Variants in MGAT4D observed in about 807,000 individuals in gnomAD.
MGAT4D encodes the protein alpha-1,3-mannosyl-glycoprotein 4-beta-N-acetylglucosaminyltransferase-like protein MGAT4D.
Under a neutral mutation model 15.9 loss-of-function variants are expected in MGAT4D, and 34 were observed. That is an observed-to-expected ratio of 2.14 (90% confidence interval 1.62 to 2.84). MGAT4D has a LOEUF of 2.84. Among genes scored for constraint, MGAT4D ranks in the 30% most tolerant of loss-of-function variants. The pLI, the probability that MGAT4D is intolerant of heterozygous loss-of-function variation, is 0.00. For synonymous variants in MGAT4D, 112 were observed against 48.2 expected (o/e 2.33, Z -5.49); for missense variants, 327 against 140.2 (o/e 2.33, Z -6.73).
At chr4:140,473,411 A>G (rs1037872556) in intron 4 of MGAT4D, among the ~76,000 whole-genome samples, 1 of 152,162 alleles carries the variant, frequency 6.6e-6, no homozygotes, top group African/African-American at 2.4e-5. Flanking sequence ...TGCACTGAAA[A>G]TCCTGAAATA....
intron 1 of MGAT4D, among the ~76,000 whole-genome samples, chr4:140,487,427 G>C (rs1264357245): frequency 1.3e-5 from 2 of 152,154 alleles, no homozygotes; most frequent in African/African-American, 4.8e-5. Context: ...AAGGCATTGT[G>C]TTCCAGTAGA....
chr4:140,492,386 T>A (rs1229622580), intron 1 of MGAT4D, among the ~76,000 whole-genome samples: 1 of 152,102 alleles, frequency 6.6e-6, no homozygotes, highest in Admixed American at 6.5e-5. Flanking sequence ...GATTACTAAA[T>A]CAAGAGTTTA....
chr4:140,456,917 G>A (rs1024859302), intron 8 of MGAT4D, 198 bp from the exon 9 acceptor site: 4 of 311,484 alleles, frequency 1.3e-5, no homozygotes, highest in African/African-American at 8.6e-5. Context: ...ACATCTGAAG[G>A]AGAATATAAG....
intron 1 of MGAT4D, among the ~76,000 whole-genome samples, chr4:140,494,584 G>A (rs1273764190): frequency 6.6e-6 from 1 of 152,002 alleles, no homozygotes; most frequent in Admixed American, 6.6e-5. Flanking sequence ...ACTTTCACTG[G>A]GATCTCTAAT....
At chr4:140,462,717 T>G (rs1297035192) in intron 6 of MGAT4D, 1 of 152,122 alleles carries the variant, frequency 6.6e-6, no homozygotes, top group Non-Finnish European at 1.5e-5. Context: ...CTCCAGCGGA[T>G]TGATTGTGGC....
intron 10 of MGAT4D, among the ~76,000 whole-genome samples, chr4:140,447,177 A>G (rs1278536363): frequency 2.0e-5 from 3 of 152,002 alleles, no homozygotes; most frequent in African/African-American, 7.2e-5. Context: ...AGAAGAATGT[A>G]TATCTTGTTT....
intron 10 of MGAT4D, among the ~76,000 whole-genome samples, chr4:140,445,301 T>C (rs1054530144): frequency 6.6e-6 from 1 of 152,208 alleles, no homozygotes; most frequent in Non-Finnish European, 1.5e-5. Context: ...TTTTTTTTCA[T>C]ATGCTTCTTG....
intron 4 of MGAT4D, among the ~76,000 whole-genome samples, chr4:140,473,850 C>T (rs1732138327): frequency 6.8e-6 from 1 of 148,046 alleles, no homozygotes; most frequent in South Asian, 2.2e-4. Flanking sequence ...AGGTGCACAC[C>T]ATCATTTCTA....
intron 1 of MGAT4D, among the ~76,000 whole-genome samples, chr4:140,490,447 T>C (rs1457639707): frequency 6.6e-6 from 1 of 152,214 alleles, no homozygotes; most frequent in Admixed American, 6.5e-5. Context: ...TCATATGCGA[T>C]GGGTCTGTTG....
chr4:140,472,499 T>C (rs2126784660), intron 4 of MGAT4D, among the ~76,000 whole-genome samples: 1 of 150,548 alleles, frequency 6.6e-6, no homozygotes, highest in East Asian at 2.0e-4. Flanking sequence ...AGTTCTGTTG[T>C]TGAATCTGAG....
intron 10 of MGAT4D, among the ~76,000 whole-genome samples, chr4:140,445,384 T>C (rs190807770): frequency 3.3e-5 from 5 of 152,332 alleles, no homozygotes; most frequent in Admixed American, 3.3e-4. Flanking sequence ...GTTGTTTGTT[T>C]TTTGCTTGTA....
At chr4:140,450,248 T>C (rs930388785) in intron 10 of MGAT4D, 13 of 232,918 alleles carry the variant, frequency 5.6e-5, no homozygotes, top group African/African-American at 2.9e-4. Flanking sequence ...CATCAAAATA[T>C]GAATGTTTAT....
At chr4:140,452,430 T>C (rs1730532632) in intron 9 of MGAT4D, among the ~76,000 whole-genome samples, 1 of 152,214 alleles carries the variant, frequency 6.6e-6, no homozygotes, top group Non-Finnish European at 1.5e-5. Flanking sequence ...AATTTGAAAC[T>C]AAATTAGCAT....
At chr4:140,485,810 T>TTAAAAAAAAAAAA (rs1733076131) in intron 1 of MGAT4D, among the ~76,000 whole-genome samples, 1 of 13,018 alleles carries the variant, frequency 7.7e-5, no homozygotes, top group Non-Finnish European at 1.4e-4. Context: ...GACCCTGTCT[T>TTAAAAAAAAAAAA]AAAAAAAAAA....
intron 9 of MGAT4D, among the ~76,000 whole-genome samples, chr4:140,453,467 A>G (rs1730599588): frequency 6.6e-6 from 1 of 151,982 alleles, no homozygotes; most frequent in Non-Finnish European, 1.5e-5. Context: ...TGTTAAATGT[A>G]TACACATATA....
chr4:140,451,735 A>G (rs1393561957), intron 9 of MGAT4D, among the ~76,000 whole-genome samples: 1 of 152,134 alleles, frequency 6.6e-6, no homozygotes, highest in East Asian at 1.9e-4. Context: ...TATTTGCATG[A>G]ACTCTGTCTT....
intron 8 of MGAT4D, 120 bp downstream of exon 8, chr4:140,459,392 T>G: frequency 2.8e-6 from 1 of 354,516 alleles, no homozygotes; most frequent in Non-Finnish European, 5.1e-6. Flanking sequence ...TAATAGTGTC[T>G]TTATAAAAAT....
At chr4:140,496,659 A>G (rs1733856278) in intron 1 of MGAT4D, among the ~76,000 whole-genome samples, 1 of 152,114 alleles carries the variant, frequency 6.6e-6, no homozygotes, top group African/African-American at 2.4e-5. Context: ...CCTGCCCAAC[A>G]TGGTGAAACC....
At chr4:140,455,953 A>G (rs1429415002) in intron 9 of MGAT4D, among the ~76,000 whole-genome samples, 1 of 152,126 alleles carries the variant, frequency 6.6e-6, no homozygotes, top group African/African-American at 2.4e-5. Flanking sequence ...CCTGGGCAAC[A>G]TGGCAAAAAC....
Sources: gnomAD v4.1 joint callset for allele counts (sites outside exome capture counted in the v4.1 genomes callset) on GRCh38, gnomAD v4.1.1 for gene constraint, MANE v1.5 for transcripts, NCBI Gene and HGNC (gene_info 2026-07-23, HGNC 2026-07-21) for gene names.